Variants in ATP7B observed in about 807,000 individuals in gnomAD.
ATP7B encodes the protein ATPase copper transporting beta, also known as copper-transporting ATPase 2.
Under a neutral mutation model 118.9 loss-of-function variants are expected in ATP7B, and 113 were observed. That is an observed-to-expected ratio of 0.95 (90% confidence interval 0.82 to 1.11). The LOEUF (loss-of-function observed/expected upper bound fraction) is 1.11, where lower values mean the gene tolerates loss of function less well. Ranked by LOEUF, ATP7B falls within the 50% of genes most tolerant of loss-of-function variation. The pLI is 0.00. For missense variants in ATP7B, 1,867 were observed against 1,871.4 expected (o/e 1.00, Z 0.04); for synonymous variants, 777 against 727.4 (o/e 1.07, Z -1.10).
At chr13:51,946,606 T>C in intron 12 of ATP7B, 128 bp from the exon 13 acceptor site, 1 of 1,034,562 alleles carries the variant, frequency 9.7e-7, no homozygotes, top group East Asian at 2.6e-5. Flanking sequence ...CGGAAACAGA[T>C]GGTATTCCAC....
chr13:51,964,831 T>C (rs769367796), intron 5 of ATP7B, 41 bp downstream of exon 5: 43 of 1,602,732 alleles, frequency 2.7e-5, no homozygotes, highest in Non-Finnish European at 3.5e-5. Context: ...TATATTACTG[T>C]TTTTAAAAAG....
intron 1 of ATP7B, among the ~76,000 whole-genome samples, chr13:51,992,979 CAAAAAAA>C (rs58319382): frequency 1.6e-5 from 1 of 62,946 alleles, no homozygotes; most frequent in East Asian, 5.6e-4. Flanking sequence ...GACTCTGTCT[CAAAAAAA>C]AAAAAAAAAA....
chr13:51,948,951 A>T (rs1452631074), intron 12 of ATP7B, among the ~76,000 whole-genome samples: 5 of 152,216 alleles, frequency 3.3e-5, no homozygotes, highest in Admixed American at 1.3e-4. Context: ...AGGCCGAGAC[A>T]GGCAGATCAC....
At chr13:51,938,745 T>C (rs1026592740) in intron 17 of ATP7B, among the ~76,000 whole-genome samples, 12 of 152,202 alleles carry the variant, frequency 7.9e-5, no homozygotes, top group African/African-American at 2.9e-4. Context: ...TTAGAAAATG[T>C]CTATCTCAGC....
intron 1 of ATP7B, among the ~76,000 whole-genome samples, chr13:51,997,818 T>C (rs1220242690): frequency 1.3e-5 from 2 of 152,182 alleles, no homozygotes; most frequent in Non-Finnish European, 2.9e-5. Flanking sequence ...GGCCTGAGGA[T>C]GACAATGCCA....
chr13:51,966,448 G>A (rs770345089), intron 4 of ATP7B, among the ~76,000 whole-genome samples: 1 of 152,156 alleles, frequency 6.6e-6, no homozygotes, highest in Non-Finnish European at 1.5e-5. Flanking sequence ...CGCTTGTGCC[G>A]TACCATGTTG....
chr13:51,960,092 T>A, intron 7 of ATP7B, 56 bp downstream of exon 7: 1 of 1,579,560 alleles, frequency 6.3e-7, no homozygotes, highest in South Asian at 1.1e-5. Flanking sequence ...GGGCAGAATA[T>A]CTGAGGGCCA....
intron 1 of ATP7B, among the ~76,000 whole-genome samples, chr13:52,007,684 C>T (rs1172870796): frequency 6.6e-6 from 1 of 152,134 alleles, no homozygotes; most frequent in Non-Finnish European, 1.5e-5. Flanking sequence ...GCCCACAAGA[C>T]CACAAGAATG....
upstream of ATP7B, chr13:52,012,088 G>C: frequency 2.0e-6 from 1 of 510,718 alleles, no homozygotes; most frequent in Non-Finnish European, 3.6e-6. Context: ...CTTTGGGCCG[G>C]GAACGGGGGC....
chr13:51,944,553 G>A (rs538017252), intron 13 of ATP7B, among the ~76,000 whole-genome samples: 4 of 152,296 alleles, frequency 2.6e-5, no homozygotes, highest in African/African-American at 9.6e-5. Context: ...TCAGTCGGCT[G>A]TACAGGAGAT....
chr13:51,991,877 T>G (rs1381815338), intron 1 of ATP7B, among the ~76,000 whole-genome samples: 1 of 152,154 alleles, frequency 6.6e-6, no homozygotes, highest in South Asian at 2.1e-4. Flanking sequence ...TTCCCCCTTT[T>G]CATAATTAAT....
At chr13:51,954,876 G>C (rs757595274) in intron 9 of ATP7B, among the ~76,000 whole-genome samples, 1 of 152,206 alleles carries the variant, frequency 6.6e-6, no homozygotes, top group Non-Finnish European at 1.5e-5. Flanking sequence ...AGACGTGGGA[G>C]AGTGAGACGT....
chr13:51,937,147 A>G, intron 19 of ATP7B, 129 bp downstream of exon 19: 1 of 806,764 alleles, frequency 1.2e-6, no homozygotes, highest in Non-Finnish European at 2.0e-6. Flanking sequence ...ATGAAAAAAA[A>G]AAAAAAACAG....
Position 52,011,296 on chromosome 13 carries a change from G to A in ATP7B, c.42C>T (p.Ala14=), listed in dbSNP as rs772045889. 1.2e-6 allele frequency: 2 copies of A among 1,614,200 alleles called. No individual in the cohort carries two copies. The highest frequency in any genetic ancestry group is 2.2e-5 in the South Asian group (2 of 91,084). ...QERQITAREG[A]SRKILSKLSL... ...GGGGAACAAAACTCACTTTCCGACT[G>A]GCCCCTTCTCTGGCTGTGATCTGTC... Residue 14 remains alanine, a synonymous_variant, in exon 1 of 21, where the codon GCC becomes GCT. Coordinates refer to ENST00000242839, the MANE Select transcript of ATP7B (RefSeq NM_000053.4).
rs1173623580 is a variant in ATP7B, at chr13:51,944,143, G to A, written c.3209C>T (p.Pro1070Leu). The A allele has an allele frequency of 6.2e-6, 10 of 1,613,976 alleles. No individual in the cohort carries two copies. The highest frequency in any genetic ancestry group is 8.5e-6 in the Non-Finnish European group (10 of 1,180,032). ...VGTAEASSEHPLGVAVTKYCK... is the reference protein window; with the variant it reads ...VGTAEASSEHLLGVAVTKYCK... Reference sequence around the variant, plus strand: ...GTATTTGGTGACTGCCACGCCCAAGGGGTGTTCACTGCTGGCCTCCGCAGT... The same window carrying A: ...GTATTTGGTGACTGCCACGCCCAAGAGGTGTTCACTGCTGGCCTCCGCAGT... Residue 1070 changes from proline to leucine, a missense_variant, in exon 14 of 21, where the codon CCC becomes CTC. Coordinates refer to ENST00000242839, the MANE Select transcript of ATP7B (RefSeq NM_000053.4).
At chr13:51,971,478 T>C (rs866662676) in intron 2 of ATP7B, among the ~76,000 whole-genome samples, 3 of 152,258 alleles carry the variant, frequency 2.0e-5, no homozygotes, top group African/African-American at 7.2e-5. Context: ...GTTTATTTAA[T>C]CAAATCCAAT....
intron 1 of ATP7B, among the ~76,000 whole-genome samples, chr13:52,009,266 G>A (rs1040235925): frequency 4.6e-5 from 7 of 152,334 alleles, no homozygotes; most frequent in East Asian, 3.9e-4. Flanking sequence ...TGAGGGAGAT[G>A]AGCATCTGTT....
chr13:51,958,421 C>G lies in ATP7B; in HGVS notation c.2245G>C (p.Val749Leu). 2.5e-6 allele frequency: 4 copies of G among 1,614,214 alleles called. No homozygotes were observed. The highest frequency in any genetic ancestry group is 3.4e-6 in the Non-Finnish European group (4 of 1,180,030). Residue 749 changes from valine (V) to leucine (L), a missense_variant, in exon 8 of 21, where the codon GTG becomes CTG. Coordinates refer to ENST00000242839, the MANE Select transcript of ATP7B (RefSeq NM_000053.4). ...TCCGCCTTCTCAGCCACAGCAACCA[C>G]CAGGATGACCAGAGAATAAACATAA... ...IAYVYSLVIL[V>L]VAVAEKAERS... is the part of the protein sequence containing the mutation.
chr13:52,003,802 T>C (rs1420923314), intron 1 of ATP7B, among the ~76,000 whole-genome samples: 2 of 152,170 alleles, frequency 1.3e-5, no homozygotes, highest in Non-Finnish European at 2.9e-5. Flanking sequence ...CCAACTGTTG[T>C]CAAAAGGCCT....
Sources: gnomAD v4.1 joint callset for allele counts (sites outside exome capture counted in the v4.1 genomes callset) on GRCh38, gnomAD v4.1.1 for gene constraint, MANE v1.5 for transcripts, NCBI Gene and HGNC (gene_info 2026-07-23, HGNC 2026-07-21) for gene names.